KCNIP1: variants seen among roughly 807,000 people sequenced by gnomAD.
KCNIP1 encodes the protein A-type potassium channel modulatory protein KCNIP1.
In KCNIP1, 18 loss-of-function variants were observed where a neutral mutation model predicts 33.0. The observed-to-expected ratio is 0.55, with a 90% CI of 0.38 to 0.81. The LOEUF (loss-of-function observed/expected upper bound fraction) is 0.81. Ranked by LOEUF, KCNIP1 falls within the 30% of genes least tolerant of loss-of-function variation. KCNIP1 has a pLI of 0.00. For synonymous variants in KCNIP1, 93 were observed against 98.3 expected, an observed-to-expected ratio of 0.95 and a Z score of 0.32; for missense variants, 238 against 271.6, an observed-to-expected ratio of 0.88 and a Z score of 0.87.
At chr5:170,698,626 C>T (rs1296557927) in intron 1 of KCNIP1, among the ~76,000 whole-genome samples, 1 of 151,930 alleles carries the variant, frequency 6.6e-6, no homozygotes, top group East Asian at 1.9e-4. Context: ...CCCCAATACT[C>T]CCAATTGTAC....
rs1168722972 is a variant in KCNIP1 at position 170,683,894 on chromosome 5, A to ATGTGTGTGTGTG, written c.62-34834_62-34823dup. Among the ~76,000 whole-genome samples, 293 of 91,702 alleles carry ATGTGTGTGTGTG rather than the reference A, an allele frequency of 3.2e-3. 2 individuals are homozygous for ATGTGTGTGTGTG. Among genetic ancestry groups the ATGTGTGTGTGTG allele is most frequent in the African/African-American group, 1.0e-2 (185 of 18,586 alleles). 60.2% of individuals were successfully genotyped at this position (91,702 alleles called of 152,430 possible). A position where few individuals can be genotyped will look rare whatever the true frequency, so the allele number is the denominator to read the frequency against. ...ATACACCACTATGCCCAGCTAGTGT[A>ATGTGTGTGTGTG]TGTGTGTGTGTGTGTGTGTGTGTGT... On this transcript the variant is annotated intron_variant, in intron 1 of 7. Transcript: ENST00000328939.
chr5:170,445,032 A>T (rs1224664057), intron 1 of KCNIP1, among the ~76,000 whole-genome samples: 1 of 152,140 alleles, frequency 6.6e-6, no homozygotes, highest in East Asian at 1.9e-4. Context: ...TTATTAATCC[A>T]TTTTTTCAAT....
chr5:170,648,725 C>T (rs1257128903), intron 1 of KCNIP1, among the ~76,000 whole-genome samples: 2 of 152,086 alleles, frequency 1.3e-5, no homozygotes, highest in African/African-American at 2.4e-5. Context: ...AGAGAATGTA[C>T]CAGGAGTGAA....
chr5:170,448,656 G>A (rs546731323), intron 1 of KCNIP1, among the ~76,000 whole-genome samples: 1 of 152,346 alleles, frequency 6.6e-6, no homozygotes, highest in Admixed American at 6.5e-5. Flanking sequence ...CAAGTGAAAA[G>A]GCATTGCAAA....
At chr5:170,607,722 A>G (rs1758982048) in intron 1 of KCNIP1, among the ~76,000 whole-genome samples, 2 of 152,210 alleles carry the variant, frequency 1.3e-5, no homozygotes, top group Admixed American at 1.3e-4. Flanking sequence ...ACTGAAAGTG[A>G]CAATGGAGAA....
intron 1 of KCNIP1, among the ~76,000 whole-genome samples, chr5:170,672,441 G>C (rs1478325843): frequency 6.6e-6 from 1 of 152,274 alleles, no homozygotes; most frequent in Non-Finnish European, 1.5e-5. Flanking sequence ...CTGTCCATCA[G>C]ACTCCTTCCC....
chr5:170,525,878 C>A lies in KCNIP1; in HGVS notation c.61+21245C>A, dbSNP rs368824473. On this transcript the variant is annotated intron_variant, in intron 1 of 7. Coordinates refer to ENST00000328939, the MANE Select transcript of KCNIP1 (RefSeq NM_014592.4). Reference sequence around the variant, plus strand: ...CATGTTAGCTGCGCCTCCCACCCTGCATCCTGGGCCCAGAAACCACACCCC... The same window carrying A: ...CATGTTAGCTGCGCCTCCCACCCTGAATCCTGGGCCCAGAAACCACACCCC... Among the ~76,000 whole-genome samples, 71 of 152,358 alleles carry A rather than the reference C, an allele frequency of 4.7e-4. No individual in the cohort carries two copies. The East Asian group carries it at 9.6e-3, about 21-fold the overall frequency.
intron 1 of KCNIP1, among the ~76,000 whole-genome samples, chr5:170,573,009 C>G (rs1757475035): frequency 6.6e-6 from 1 of 152,206 alleles, no homozygotes; most frequent in Admixed American, 6.5e-5. Flanking sequence ...CTTGAAATAA[C>G]TGAGGCAGAG....
intron 1 of KCNIP1, among the ~76,000 whole-genome samples, chr5:170,567,935 A>C (rs1757257614): frequency 6.6e-6 from 1 of 152,122 alleles, no homozygotes. Flanking sequence ...AAAGGATGAG[A>C]TTTGCACCCA....
intron 1 of KCNIP1, among the ~76,000 whole-genome samples, chr5:170,618,978 T>C (rs1348482432): frequency 1.3e-5 from 2 of 152,090 alleles, no homozygotes; most frequent in African/African-American, 4.8e-5. Context: ...CTCTCAGAGC[T>C]TTGGAAGGAA....
At chr5:170,448,756 T>C (rs566898561) in intron 1 of KCNIP1, among the ~76,000 whole-genome samples, 9 of 152,324 alleles carry the variant, frequency 5.9e-5, no homozygotes, top group Middle Eastern at 3.4e-3. Context: ...AGCCATACTT[T>C]TCAGTGATTT....
intron 1 of KCNIP1, among the ~76,000 whole-genome samples, chr5:170,697,553 C>A (rs573197636): frequency 6.6e-6 from 1 of 152,122 alleles, no homozygotes; most frequent in African/African-American, 2.4e-5. Flanking sequence ...GAAATTGAGT[C>A]CCCCAGAGGT....
At chr5:170,402,219 CT>C (rs11400682) in intron 1 of KCNIP1, among the ~76,000 whole-genome samples, 1 of 152,020 alleles carries the variant, frequency 6.6e-6, no homozygotes, top group Non-Finnish European at 1.5e-5. Context: ...TACAAAGACT[CT>C]TTTTTTCCTA....
chr5:170,584,191 GTC>G (rs1469545432), intron 1 of KCNIP1, among the ~76,000 whole-genome samples: 1 of 152,236 alleles, frequency 6.6e-6, no homozygotes, highest in African/African-American at 2.4e-5. Flanking sequence ...TATTAGTAAT[GTC>G]TGCCATGGGC....
chr5:170,558,599 G>A (rs1756922120), intron 1 of KCNIP1, among the ~76,000 whole-genome samples: 1 of 152,218 alleles, frequency 6.6e-6, no homozygotes, highest in Admixed American at 6.5e-5. Context: ...CTGCATCCCA[G>A]CAGCTGTGCA....
chr5:170,519,460 T>C (rs958148293), intron 1 of KCNIP1, among the ~76,000 whole-genome samples: 2 of 152,212 alleles, frequency 1.3e-5, no homozygotes, highest in African/African-American at 4.8e-5. Context: ...GACTTGTTTT[T>C]CCCTGGTGGT....
intron 1 of KCNIP1, among the ~76,000 whole-genome samples, chr5:170,366,101 C>T (rs1010371138): frequency 1.3e-5 from 2 of 152,116 alleles, no homozygotes; most frequent in South Asian, 2.1e-4. Flanking sequence ...ACCCGGGATG[C>T]GAGTATCAGT....
chr5:170,517,165 T>G (rs543346800), intron 1 of KCNIP1, among the ~76,000 whole-genome samples: 5 of 152,234 alleles, frequency 3.3e-5, no homozygotes, highest in African/African-American at 1.2e-4. Flanking sequence ...TCAGGAAACT[T>G]ACAACTGTGG....
intron 1 of KCNIP1, among the ~76,000 whole-genome samples, chr5:170,363,844 C>T (rs1402806983): frequency 6.6e-6 from 1 of 152,172 alleles, no homozygotes; most frequent in African/African-American, 2.4e-5. Context: ...AAACTCTGCA[C>T]TGCACCCACT....
Sources: allele counts gnomAD v4.1 joint callset (sites outside exome capture counted in the v4.1 genomes callset), GRCh38; gene constraint gnomAD v4.1.1; transcripts MANE v1.5; gene names NCBI Gene and HGNC (gene_info 2026-07-23, HGNC 2026-07-21).